Variants in VPS35L observed in about 807,000 individuals in gnomAD.
The protein encoded by VPS35L is VPS35 endosomal protein-sorting factor-like.
In VPS35L, 83 loss-of-function variants were observed where a neutral mutation model predicts 133.0. The observed-to-expected ratio is 0.62, with a 90% confidence interval of 0.52 to 0.75. The LOEUF is 0.75. Ranked by LOEUF, VPS35L falls within the 30% of genes least tolerant of loss-of-function variation. The pLI, the probability that VPS35L is intolerant of heterozygous loss-of-function variation, is 0.00. For synonymous variants in VPS35L, 423 were observed against 449.9 expected (o/e 0.94, Z 0.76); for missense variants, 1,083 against 1,206.8 (o/e 0.90, Z 1.52).
chr16:19,675,226 C>T (rs62024106), intron 27 of VPS35L, among the ~76,000 whole-genome samples: 13,734 of 150,696 alleles, frequency 0.091, 855 homozygotes, highest in East Asian at 0.21. Flanking sequence ...GCTGGTGTTA[C>T]AGGTGTGAGT....
chr16:19,603,966 A>G (rs1299024123), intron 9 of VPS35L, among the ~76,000 whole-genome samples: 2 of 152,066 alleles, frequency 1.3e-5, no homozygotes. Context: ...TCCTGACCTC[A>G]GGTGATCCAC....
rs143308680 is a variant in VPS35L, at chr16:19,627,666, G to C, written c.1272-28G>C. 230 of 1,541,362 alleles carry C rather than the reference G, an allele frequency of 1.5e-4. No homozygotes were observed. In the African/African-American group the frequency reaches 2.9e-3, roughly 20 times the overall value. ...AGCAACTTTGATTGAGGAGAAGCCA[G>C]GCTGACTTGGGGATCTGTGTCTTGC... On this transcript the variant is annotated intron_variant, in intron 15 of 30. Coordinates refer to ENST00000417362, the MANE Select transcript of VPS35L (RefSeq NM_020314.7).
intron 20 of VPS35L, among the ~76,000 whole-genome samples, chr16:19,638,773 G>A (rs910444820): frequency 2.6e-5 from 4 of 152,188 alleles, no homozygotes; most frequent in Non-Finnish European, 5.9e-5. Flanking sequence ...ACAGTATAGC[G>A]TGAGATTTCA....
At chr16:19,624,886 A>C (rs1050370979) in intron 14 of VPS35L, among the ~76,000 whole-genome samples, 15 of 152,200 alleles carry the variant, frequency 9.9e-5, no homozygotes, top group African/African-American at 3.1e-4. Flanking sequence ...AGGGAAGTCA[A>C]GGACTTAGCC....
intron 2 of VPS35L, among the ~76,000 whole-genome samples, chr16:19,567,970 CAAA>C (rs35555593): frequency 1.3e-4 from 15 of 113,148 alleles, no homozygotes; most frequent in Admixed American, 2.8e-4. Context: ...ACCCTGTCTC[CAAA>C]AAAAAAAAAA....
At chr16:19,591,968 G>A (rs939919232) in intron 8 of VPS35L, 94 bp downstream of exon 8, 5 of 1,005,586 alleles carry the variant, frequency 5.0e-6, no homozygotes, top group Non-Finnish European at 7.8e-6. Flanking sequence ...GTTCTGCTGT[G>A]GTTTAAGTTA....
At chr16:19,682,434 A>G (rs370726004) in intron 28 of VPS35L, 44 bp downstream of exon 28, 1 of 1,577,098 alleles carries the variant, frequency 6.3e-7, no homozygotes, top group Non-Finnish European at 8.7e-7. Flanking sequence ...CATGGATTTC[A>G]TGAAAGGCAG....
rs1284479285 is a variant in VPS35L at position 19,640,030 on chromosome 16, T to G, written c.1714T>G (p.Phe572Val). ...VLFSVEKFLP[F>V]LDMFQKESVR... ...TTATTTATAGGAAAAATTTCTGCCG[T>G]TTCTGGACATGTTCCAAAAAGAGAG... Residue 572 changes from phenylalanine to valine, a missense_variant, in exon 21 of 31, where the codon TTT becomes GTT. Phe to Val is a conservative substitution (Grantham distance 50). Coordinates refer to ENST00000417362, the MANE Select transcript of VPS35L (RefSeq NM_020314.7). 1.9e-6 allele frequency: 3 copies of G among 1,614,194 alleles called. No homozygotes were observed. Among genetic ancestry groups the G allele is most frequent in the Non-Finnish European group, 2.5e-6 (3 of 1,180,014 alleles).
intron 19 of VPS35L, among the ~76,000 whole-genome samples, chr16:19,634,417 C>CAAAAAAAAAAAAAAAAAA (rs57823383): frequency 9.5e-6 from 1 of 104,798 alleles, no homozygotes; most frequent in Non-Finnish European, 2.0e-5. Flanking sequence ...GACACGGTCT[C>CAAAAAAAAAAAAAAAAAA]AAAAAAAAAA....
intron 28 of VPS35L, among the ~76,000 whole-genome samples, chr16:19,685,109 A>T (rs1412505365): frequency 5.3e-5 from 8 of 152,172 alleles, no homozygotes; most frequent in Non-Finnish European, 1.0e-4. Context: ...TATATGCAAT[A>T]AACTATAGAG....
intron 24 of VPS35L, 92 bp downstream of exon 24, chr16:19,647,974 G>A (rs936070014): frequency 1.4e-5 from 17 of 1,213,884 alleles, no homozygotes; most frequent in Non-Finnish European, 2.1e-5. Flanking sequence ...TTTTATTAGA[G>A]ACAGGGTCTC....
chr16:19,563,061 A>G (rs1340433725), intron 1 of VPS35L, among the ~76,000 whole-genome samples: 1 of 152,122 alleles, frequency 6.6e-6, no homozygotes. Context: ...CACCATGCCC[A>G]GCAGAGAGAA....
At chr16:19,572,349 C>A (rs1428741561) in intron 3 of VPS35L, among the ~76,000 whole-genome samples, 1 of 152,124 alleles carries the variant, frequency 6.6e-6, no homozygotes, top group Admixed American at 6.6e-5. Context: ...ACCTGGGATG[C>A]GGAGATTGCA....
At chr16:19,667,735 A>G (rs932956977) in intron 26 of VPS35L, among the ~76,000 whole-genome samples, 2 of 127,566 alleles carry the variant, frequency 1.6e-5, no homozygotes, top group Non-Finnish European at 3.3e-5. Flanking sequence ...CCCTGTCTGG[A>G]AAAAAAAAAA....
chr16:19,570,234 G>A (rs189152488), intron 3 of VPS35L, among the ~76,000 whole-genome samples: 4 of 152,052 alleles, frequency 2.6e-5, no homozygotes, highest in African/African-American at 9.6e-5. Flanking sequence ...GCTAATTTTT[G>A]TGTTTTTTGG....
intron 26 of VPS35L, among the ~76,000 whole-genome samples, chr16:19,666,289 T>G (rs1448204187): frequency 1.3e-5 from 2 of 152,176 alleles, no homozygotes; most frequent in Admixed American, 1.3e-4. Context: ...CTCCTTTTTC[T>G]GTAGGTCTTT....
intron 11 of VPS35L, among the ~76,000 whole-genome samples, chr16:19,609,757 G>T (rs1230474616): frequency 3.9e-5 from 6 of 152,118 alleles, no homozygotes; most frequent in Non-Finnish European, 7.3e-5. Context: ...AGGGTTGCCT[G>T]GAATAGTTTG....
chr16:19,669,445 G>A, intron 27 of VPS35L, 146 bp downstream of exon 27: 2 of 1,023,086 alleles, frequency 2.0e-6, no homozygotes. Flanking sequence ...ATTGCTTAAT[G>A]AATTTTCTAT....
chr16:19,650,510 T>C, intron 25 of VPS35L, 51 bp downstream of exon 25: 1 of 1,388,842 alleles, frequency 7.2e-7, no homozygotes, highest in Non-Finnish European at 1.0e-6. Context: ...GTGGGCTGTT[T>C]AGTTTGCAGG....
Sources: allele counts gnomAD v4.1 joint callset (sites outside exome capture counted in the v4.1 genomes callset), GRCh38; gene constraint gnomAD v4.1.1; transcripts MANE v1.5; gene names NCBI Gene and HGNC (gene_info 2026-07-23, HGNC 2026-07-21).